GAB2: variants seen among roughly 807,000 people sequenced by gnomAD.
The protein encoded by GAB2 is GRB2 associated binding protein 2, also known as GRB2-associated-binding protein 2.
In GAB2, 26 loss-of-function variants were observed where a neutral mutation model predicts 65.5. The ratio of observed to expected loss-of-function variants is 0.40; its 90% CI spans 0.29 to 0.55. The LOEUF is 0.55. GAB2 is among the 20% of genes least tolerant of loss of function. The pLI, the probability that GAB2 is intolerant of heterozygous loss-of-function variation, is 0.53. For synonymous variants in GAB2, 321 were observed against 329.6 expected (o/e 0.97, Z 0.28); for missense variants, 884 against 875.8 (o/e 1.01, Z -0.12).
intron 1 of GAB2, among the ~76,000 whole-genome samples, chr11:78,356,992 G>A (rs1350309550): frequency 6.6e-6 from 1 of 152,190 alleles, no homozygotes; most frequent in Non-Finnish European, 1.5e-5. Context: ...GGGATTAGGG[G>A]TTGGTGAGTA....
chr11:78,381,613 T>C (rs1856698591), intron 1 of GAB2, among the ~76,000 whole-genome samples: 1 of 152,116 alleles, frequency 6.6e-6, no homozygotes, highest in Non-Finnish European at 1.5e-5. Flanking sequence ...TTTCTCCCTC[T>C]TCCTCCTTTC....
At chr11:78,321,949 C>G (rs1488641367) in intron 1 of GAB2, among the ~76,000 whole-genome samples, 1 of 151,046 alleles carries the variant, frequency 6.6e-6, no homozygotes, top group Non-Finnish European at 1.5e-5. Context: ...GCAGAAGAAT[C>G]AAACTGGACT....
intron 1 of GAB2, among the ~76,000 whole-genome samples, chr11:78,297,059 G>A (rs1866850843): frequency 6.6e-6 from 1 of 152,106 alleles, no homozygotes; most frequent in Non-Finnish European, 1.5e-5. Context: ...ACGTTTTGGA[G>A]GGACACAAAC....
Position 78,251,069 on chromosome 11 carries a change from C to G in GAB2, c.377-669G>C, listed in dbSNP as rs1023609900. On this transcript the variant is annotated intron_variant, in intron 2 of 9. Transcript: ENST00000361507. Reference sequence around the variant, plus strand: ...AGCATTAGACAATATACCCATGTAACACACTTGCACATGTACCCTGGCATC... The same window carrying G: ...AGCATTAGACAATATACCCATGTAAGACACTTGCACATGTACCCTGGCATC... Among the ~76,000 whole-genome samples, 4 of 151,334 alleles carry G rather than the reference C, an allele frequency of 2.6e-5. No homozygotes were observed. In the South Asian group the frequency reaches 8.4e-4, roughly 32 times the overall value.
chr11:78,231,336 G>GGTGTGTGTGTGCGTGT (rs1554975137), intron 3 of GAB2, among the ~76,000 whole-genome samples: 3 of 145,796 alleles, frequency 2.1e-5, no homozygotes, highest in African/African-American at 7.8e-5. Flanking sequence ...GCGCGTGTGT[G>GGTGTGTGTGTGCGTGT]GTGTGTGTGT....
intron 1 of GAB2, among the ~76,000 whole-genome samples, chr11:78,400,798 G>A (rs1856958846): frequency 6.7e-6 from 1 of 150,228 alleles, no homozygotes; most frequent in South Asian, 2.1e-4. Flanking sequence ...CAGCTTCTCT[G>A]GAGGCTAAGG....
At chr11:78,372,880 T>C (rs1021704885) in intron 1 of GAB2, among the ~76,000 whole-genome samples, 20 of 152,178 alleles carry the variant, frequency 1.3e-4, no homozygotes, top group African/African-American at 4.8e-4. Context: ...CCCTTTATCT[T>C]AAAAATTCTT....
intron 1 of GAB2, among the ~76,000 whole-genome samples, chr11:78,305,677 C>T (rs528057022): frequency 5.3e-5 from 8 of 152,200 alleles, no homozygotes; most frequent in Non-Finnish European, 1.0e-4. Context: ...TTTGCCTGTG[C>T]CTGAGTGGAA....
At chr11:78,355,752 G>C (rs1229083266) in intron 1 of GAB2, among the ~76,000 whole-genome samples, 1 of 144,996 alleles carries the variant, frequency 6.9e-6, no homozygotes, top group Admixed American at 6.9e-5. Context: ...CTCAGAGAGA[G>C]AAAGTACACA....
intron 1 of GAB2, among the ~76,000 whole-genome samples, chr11:78,373,671 C>G (rs891108302): frequency 2.0e-5 from 3 of 152,200 alleles, no homozygotes; most frequent in African/African-American, 4.8e-5. Flanking sequence ...TAAACAAATA[C>G]TTAAGTAATA....
chr11:78,272,295 G>C (rs1199868427), intron 2 of GAB2, among the ~76,000 whole-genome samples: 1 of 152,186 alleles, frequency 6.6e-6, no homozygotes, highest in Non-Finnish European at 1.5e-5. Context: ...AGGAAAATGT[G>C]GGAAAGTTTG....
intron 1 of GAB2, among the ~76,000 whole-genome samples, chr11:78,362,374 A>G (rs1445731946): frequency 1.3e-5 from 2 of 152,154 alleles, no homozygotes; most frequent in Non-Finnish European, 2.9e-5. Context: ...AGTATGCATA[A>G]TAAAATACCT....
intron 1 of GAB2, among the ~76,000 whole-genome samples, chr11:78,337,334 T>C (rs1346111470): frequency 6.6e-6 from 1 of 152,198 alleles, no homozygotes; most frequent in Non-Finnish European, 1.5e-5. Flanking sequence ...CACCAGAAGC[T>C]ACTATGCGGG....
chr11:78,299,622 T>C (rs1233869344), intron 1 of GAB2, among the ~76,000 whole-genome samples: 3 of 152,238 alleles, frequency 2.0e-5, no homozygotes, highest in Non-Finnish European at 4.4e-5. Flanking sequence ...CTTCAGGAAC[T>C]TGGCTTCTCT....
chr11:78,249,661 T>G (rs1865392449), intron 3 of GAB2, among the ~76,000 whole-genome samples: 1 of 152,218 alleles, frequency 6.6e-6, no homozygotes, highest in South Asian at 2.1e-4. Flanking sequence ...ACTTGAAATG[T>G]GGCTAGTACA....
At chr11:78,311,113 A>G (rs1180680346) in intron 1 of GAB2, among the ~76,000 whole-genome samples, 1 of 152,210 alleles carries the variant, frequency 6.6e-6, no homozygotes, top group African/African-American at 2.4e-5. Context: ...CTAGTGGGGA[A>G]GCTAAAATAT....
intron 3 of GAB2, among the ~76,000 whole-genome samples, chr11:78,245,942 C>CT (rs199530952): frequency 7.1e-6 from 1 of 141,594 alleles, no homozygotes. Flanking sequence ...TTTTTATTTT[C>CT]TTTTTTTCTT....
At chr11:78,383,076 G>A (rs929540481) in intron 1 of GAB2, among the ~76,000 whole-genome samples, 2 of 151,878 alleles carry the variant, frequency 1.3e-5, no homozygotes, top group African/African-American at 2.4e-5. Context: ...AATTCAAGAC[G>A]AGCCTGACCA....
chr11:78,380,009 G>C (rs1413133792), intron 1 of GAB2, among the ~76,000 whole-genome samples: 1 of 152,220 alleles, frequency 6.6e-6, no homozygotes, highest in Non-Finnish European at 1.5e-5. Flanking sequence ...GAATTAAAAA[G>C]TGATTGAAAG....
Sources: allele counts gnomAD v4.1 joint callset (sites outside exome capture counted in the v4.1 genomes callset), GRCh38; gene constraint gnomAD v4.1.1; transcripts MANE v1.5; gene names NCBI Gene and HGNC (gene_info 2026-07-23, HGNC 2026-07-21).